SBK1: variants seen among roughly 807,000 people sequenced by gnomAD.
SBK1 encodes SH3 domain binding kinase 1, also known as serine/threonine-protein kinase SBK1.
In SBK1, 11 loss-of-function variants were observed where a neutral mutation model predicts 24.4. That is an observed-to-expected ratio of 0.45 (90% CI 0.28 to 0.75). The LOEUF (loss-of-function observed/expected upper bound fraction) is 0.75. Among genes scored for constraint, SBK1 ranks in the 30% least tolerant of loss-of-function variants. The pLI is 0.12. For synonymous variants in SBK1, 308 were observed against 284.4 expected (o/e 1.08, Z -0.83); for missense variants, 467 against 620.5 (o/e 0.75, Z 2.63).
intron 1 of SBK1, among the ~76,000 whole-genome samples, chr16:28,279,699 T>C (rs1469699888): frequency 2.6e-5 from 4 of 152,062 alleles, no homozygotes; most frequent in Non-Finnish European, 5.9e-5. Flanking sequence ...TCGAGGTGAC[T>C]GGTGCCAGGC....
At chr16:28,290,493 G>A (rs2044591489), upstream of SBK1, 1 of 152,208 alleles carries the variant, frequency 6.6e-6, no homozygotes, top group South Asian at 2.1e-4. Context: ...AAATTAGCCA[G>A]GCATAGTGGC....
intron 1 of SBK1, among the ~76,000 whole-genome samples, chr16:28,301,113 G>A (rs1463269865): frequency 6.6e-6 from 1 of 151,806 alleles, no homozygotes; most frequent in African/African-American, 2.4e-5. Context: ...ACTGTGCCCA[G>A]CATCCTGCAC....
intron 1 of SBK1, among the ~76,000 whole-genome samples, chr16:28,265,006 A>C (rs756715861): frequency 5.1e-4 from 77 of 151,780 alleles, no homozygotes; most frequent in Admixed American, 4.1e-3. Context: ...GCGCATTGGA[A>C]CACGCCTGCA....
chr16:28,275,002 G>A (rs1037852855), intron 1 of SBK1, among the ~76,000 whole-genome samples: 1 of 152,160 alleles, frequency 6.6e-6, no homozygotes, highest in African/African-American at 2.4e-5. Flanking sequence ...CTAATCACGA[G>A]CTAAAAGAGT....
chr16:28,297,545 T>C (rs535091000), intron 1 of SBK1, among the ~76,000 whole-genome samples: 3 of 152,306 alleles, frequency 2.0e-5, no homozygotes, highest in South Asian at 2.1e-4. Flanking sequence ...GGATTCTGCC[T>C]GGGCTTGAAG....
intron 1 of SBK1, among the ~76,000 whole-genome samples, chr16:28,282,230 G>C (rs1387615150): frequency 6.6e-6 from 1 of 152,196 alleles, no homozygotes; most frequent in Admixed American, 6.5e-5. Flanking sequence ...CTGGATGCAG[G>C]TTAGACATCA....
At chr16:28,264,492 T>C (rs2044416081) in intron 1 of SBK1, among the ~76,000 whole-genome samples, 1 of 151,426 alleles carries the variant, frequency 6.6e-6, no homozygotes. Context: ...GAAAATAGCT[T>C]GAACCCGGGA....
Position 28,292,733 on chromosome 16 carries a change from C to T in SBK1, c.-575C>T. On this transcript the variant is annotated 5_prime_UTR_variant, in exon 1 of 4. Transcript: ENST00000341901. ...TGGCCGGGACCCACTAAAGCCCCCG[C>T]AGCCGAGGAGTGCGGGGAGCCCCCT... The T allele has an allele frequency of 1.0e-6, 1 of 984,990 alleles. No individual in the cohort carries two copies. The highest frequency in any genetic ancestry group is 1.2e-6 in the Non-Finnish European group (1 of 829,648). 61.0% of individuals were successfully genotyped at this position (984,990 alleles called of 1,614,324 possible). A position where few individuals can be genotyped will look rare whatever the true frequency, so the allele number is the denominator to read the frequency against.
intron 1 of SBK1, among the ~76,000 whole-genome samples, chr16:28,260,618 G>A (rs910676134): frequency 7.9e-5 from 12 of 152,186 alleles, no homozygotes; most frequent in African/African-American, 1.4e-4. Context: ...TTCCCGCTCC[G>A]TGGGCCTCTG....
At chr16:28,275,398 T>C (rs2044489602) in intron 1 of SBK1, among the ~76,000 whole-genome samples, 1 of 152,154 alleles carries the variant, frequency 6.6e-6, no homozygotes, top group Non-Finnish European at 1.5e-5. Flanking sequence ...AAATTAAAAG[T>C]ATATTTTCTA....
At position 28,292,534 on chromosome 16, in the gene SBK1, A is replaced by T. The variant is rs1289495190; in HGVS notation, c.-774A>T. On this transcript the variant is annotated 5_prime_UTR_variant, in exon 1 of 4. An upstream start codon of the reference 5' UTR is lost. Coordinates refer to ENST00000341901, the MANE Select transcript of SBK1 (RefSeq NM_001024401.3). The stretch of plus-strand genomic sequence containing the variant: ...TGGAGGGCGGAGCCGCGATGCCGCG[A>T]TGGAGCGCAGCCCGGGCGGGCGCCG... 2.0e-6 allele frequency: 2 copies of T among 976,084 alleles called. No homozygotes were observed. Among genetic ancestry groups the T allele is most frequent in the Non-Finnish European group, 2.4e-6 (2 of 826,472 alleles). 60.5% of individuals were successfully genotyped at this position (976,084 alleles called of 1,614,324 possible). A position where few individuals can be genotyped will look rare whatever the true frequency, so the allele number is the denominator to read the frequency against.
chr16:28,296,933 T>C (rs2044645004), intron 1 of SBK1, among the ~76,000 whole-genome samples: 1 of 152,138 alleles, frequency 6.6e-6, no homozygotes, highest in African/African-American at 2.4e-5. Flanking sequence ...GATGAAAGCT[T>C]CTTGTAGCTG....
Position 28,317,662 on chromosome 16 carries a change from A to C in SBK1, c.226+45A>C. On this transcript the variant is annotated intron_variant, in intron 2 of 3. Coordinates refer to ENST00000341901, the MANE Select transcript of SBK1 (RefSeq NM_001024401.3). The surrounding 1 kb of genome is among the most constrained non-coding windows in gnomAD (Gnocchi z 4.2). ...CAGGGCTGAGAGGTTGGGGTGGGGC[A>C]GGGCTGGGAGGTCAGGGTTGGGGGA... The C allele has an allele frequency of 1.6e-6, 1 of 630,786 alleles. No individual in the cohort carries two copies. The allele number at this position is 630,786 out of a possible 1,614,324, so 39.1% of individuals were successfully genotyped here.
At chr16:28,268,171 G>A (rs896530154) in intron 1 of SBK1, among the ~76,000 whole-genome samples, 1 of 152,072 alleles carries the variant, frequency 6.6e-6, no homozygotes, top group African/African-American at 2.4e-5. Context: ...ATAGCATCCA[G>A]TTTTTGTTTC....
Position 28,317,325 on chromosome 16 carries a change from G to A in SBK1, c.-7-60G>A. The A allele has an allele frequency of 7.5e-7, 1 of 1,324,786 alleles. No individual in the cohort carries two copies. Among genetic ancestry groups the A allele is most frequent in the Non-Finnish European group, 1.1e-6 (1 of 928,518 alleles). The allele number at this position is 1,324,786 out of a possible 1,614,324, so 82.1% of individuals were successfully genotyped here. A position where few individuals can be genotyped will look rare whatever the true frequency, so the allele number is the denominator to read the frequency against. On this transcript the variant is annotated intron_variant, in intron 1 of 3. Transcript: ENST00000341901. This position sits in a 1 kb window ranked among gnomAD's most constrained non-coding sequence, Gnocchi z 4.2. ...TCTGGGTTCTGGGGAGGGCAGAGGGGCTGGAGGAGGGGACCCTTGCCTGAT... is the reference window on the plus strand; with the variant it reads ...TCTGGGTTCTGGGGAGGGCAGAGGGACTGGAGGAGGGGACCCTTGCCTGAT...
intron 1 of SBK1, among the ~76,000 whole-genome samples, chr16:28,284,602 A>G (rs935805650): frequency 5.3e-5 from 8 of 152,224 alleles, no homozygotes. Context: ...AGAGTGTGAG[A>G]GAGGAGGGCA....
At chr16:28,284,859 A>C (rs2044555868) in intron 1 of SBK1, 1 of 152,252 alleles carries the variant, frequency 6.6e-6, no homozygotes, top group African/African-American at 2.4e-5. Flanking sequence ...TTATTTTGGA[A>C]ACAGTGAAAG....
chr16:28,308,243 C>T (rs1362612778), intron 1 of SBK1, among the ~76,000 whole-genome samples: 1 of 152,112 alleles, frequency 6.6e-6, no homozygotes, highest in Non-Finnish European at 1.5e-5. Context: ...CTCCACCTCC[C>T]GGGTTCGTGC....
At chr16:28,269,032 C>CTTTTT (rs1223749659) in intron 1 of SBK1, among the ~76,000 whole-genome samples, 1 of 130,244 alleles carries the variant, frequency 7.7e-6, no homozygotes, top group Non-Finnish European at 1.6e-5. Context: ...AAGTTCTTTC[C>CTTTTT]TTTTTTTTTT....
Sources: gnomAD v4.1 joint callset for allele counts (sites outside exome capture counted in the v4.1 genomes callset) on GRCh38, gnomAD v4.1.1 for gene constraint, Gnocchi (gnomAD v3.1) non-coding constraint, MANE v1.5 for transcripts, NCBI Gene and HGNC (gene_info 2026-07-23, HGNC 2026-07-21) for gene names.